GNPTAB: variants seen among roughly 807,000 people sequenced by gnomAD.
GNPTAB encodes the protein N-acetylglucosamine-1-phosphotransferase subunits alpha/beta.
A neutral mutation model predicts 136.6 loss-of-function variants in GNPTAB; 92 were observed. The observed-to-expected ratio is 0.67, with a 90% CI of 0.57 to 0.80. The LOEUF (loss-of-function observed/expected upper bound fraction) is 0.80. Ranked by LOEUF, GNPTAB falls within the 30% of genes least tolerant of loss-of-function variation. The pLI is 0.00. For missense variants in GNPTAB, 1,343 were observed against 1,501.8 expected (o/e 0.89, Z 1.75); for synonymous variants, 512 against 535.1 (o/e 0.96, Z 0.60).
chr12:101,827,202 T>C (rs973455956), intron 1 of GNPTAB, among the ~76,000 whole-genome samples: 5 of 152,026 alleles, frequency 3.3e-5, no homozygotes, highest in African/African-American at 2.4e-5. Flanking sequence ...CAATCACGGC[T>C]CATGCAGCCT....
At chr12:101,761,889 C>T in intron 13 of GNPTAB, 126 bp from the exon 14 acceptor site, 4 of 751,280 alleles carry the variant, frequency 5.3e-6, no homozygotes, top group Non-Finnish European at 7.0e-6. Context: ...AAATGAAATA[C>T]ATGTTAACGG....
At position 101,784,680 on chromosome 12, in the gene GNPTAB, G is replaced by GAA. The variant is rs5800486; in HGVS notation, c.571+1330_571+1331dup. On this transcript the variant is annotated intron_variant, in intron 5 of 20. Transcript: ENST00000299314. ...AAGGTAAGAACCTAAGAATCATGTGGAAAAAAAAAAAAAGCAAGTCATAGG... is the reference window on the plus strand; with the variant it reads ...AAGGTAAGAACCTAAGAATCATGTGGAAAAAAAAAAAAAAAGCAAGTCATAGG... Among the ~76,000 whole-genome samples the GAA allele has an allele frequency of 4.3e-3, 598 of 139,824 alleles. 8 individuals are homozygous for GAA. Among genetic ancestry groups the GAA allele is most frequent in the African/African-American group, 0.013 (511 of 38,874 alleles). The allele number at this position is 139,824 out of a possible 152,430, so 91.7% of individuals were successfully genotyped here.
intron 1 of GNPTAB, among the ~76,000 whole-genome samples, chr12:101,821,413 T>G (rs1009391524): frequency 1.4e-4 from 22 of 152,206 alleles, no homozygotes; most frequent in African/African-American, 5.3e-4. Context: ...CAAATAAGTT[T>G]CATCTCCCAG....
At chr12:101,814,783 TA>T (rs1372239106) in intron 1 of GNPTAB, among the ~76,000 whole-genome samples, 4 of 152,266 alleles carry the variant, frequency 2.6e-5, no homozygotes, top group East Asian at 1.9e-4. Flanking sequence ...TTTTCAAAAA[TA>T]AAAAAAGTGA....
chr12:101,818,427 G>C (rs1429738706), intron 1 of GNPTAB, among the ~76,000 whole-genome samples: 2 of 149,978 alleles, frequency 1.3e-5, no homozygotes, highest in Non-Finnish European at 3.0e-5. Context: ...GCCCAGGCTG[G>C]AGTCCAGTAG....
chr12:101,753,576 T>C (rs1303880957), intron 18 of GNPTAB, 37 bp from the exon 19 acceptor site: 2 of 1,532,174 alleles, frequency 1.3e-6, no homozygotes, highest in African/African-American at 1.4e-5. Context: ...TAGTTACATA[T>C]GGATAATCCT....
chr12:101,810,914 A>G (rs1870196424), intron 1 of GNPTAB, among the ~76,000 whole-genome samples: 1 of 152,222 alleles, frequency 6.6e-6, no homozygotes, highest in Non-Finnish European at 1.5e-5. Context: ...AACAGCCAGT[A>G]CAAAGCTCCT....
chr12:101,757,918 C>CTGCTGAAGTA (rs1256258721), intron 16 of GNPTAB, among the ~76,000 whole-genome samples: 4 of 152,120 alleles, frequency 2.6e-5, no homozygotes, highest in African/African-American at 9.7e-5. Flanking sequence ...ATGGCAAAAA[C>CTGCTGAAGTA]CCCAAATAAA....
chr12:101,766,359 T>G, intron 11 of GNPTAB, 65 bp from the exon 12 acceptor site: 1 of 1,393,782 alleles, frequency 7.2e-7, no homozygotes. Flanking sequence ...AGTTCTGGAC[T>G]GGGTGTGGTG....
At position 101,753,501 on chromosome 12, in the gene GNPTAB, T is replaced by G; in HGVS notation, c.3473A>C (p.His1158Pro). The stretch of plus-strand genomic sequence containing the variant: ...AGCCTTCACTGTCTGAGCATCTTTA[T>G]GATTGTGGTCAATGTTGTCATTCAG... ...VCLNDNIDHN[H>P]KDAQTVKAVL... The change falls in exon 19 of 21, where the codon CAT becomes CCT. Residue 1158 changes from histidine to proline, a missense_variant. Coordinates refer to ENST00000299314, the MANE Select transcript of GNPTAB (RefSeq NM_024312.5). The G allele has an allele frequency of 6.2e-7, 1 of 1,614,056 alleles. No individual in the cohort carries two copies. The highest frequency in any genetic ancestry group is 8.5e-7 in the Non-Finnish European group (1 of 1,179,904).
chr12:101,804,246 C>CT (rs1490241321), intron 1 of GNPTAB, among the ~76,000 whole-genome samples: 1 of 151,428 alleles, frequency 6.6e-6, no homozygotes, highest in African/African-American at 2.4e-5. Context: ...TTGCTTTGTG[C>CT]TTTGACAATG....
chr12:101,801,579 T>C (rs913978599), intron 1 of GNPTAB, among the ~76,000 whole-genome samples: 10 of 107,872 alleles, frequency 9.3e-5, no homozygotes, highest in African/African-American at 3.4e-4. Context: ...TGGAAAAAAA[T>C]TTAAAAAAGA....
At chr12:101,753,247 C>T (rs1952846616) in intron 19 of GNPTAB, 125 bp downstream of exon 19, 2 of 841,202 alleles carry the variant, frequency 2.4e-6, no homozygotes, top group African/African-American at 1.7e-5. Flanking sequence ...GAACAAAACT[C>T]CGTCTCAAAA....
At chr12:101,753,349 A>G (rs1315191325) in intron 19 of GNPTAB, 23 bp downstream of exon 19, 2 of 1,582,046 alleles carry the variant, frequency 1.3e-6, no homozygotes, top group Non-Finnish European at 1.7e-6. Flanking sequence ...ACACACATGC[A>G]TATATAAAAC....
rs1953051403 is a variant in GNPTAB at position 101,764,320 on chromosome 12, G to T, written c.2597C>A (p.Ala866Asp). The change falls in exon 13 of 21, where the codon GCT becomes GAT. Residue 866 changes from alanine to aspartate, a missense_variant. Transcript: ENST00000299314. The part of the protein sequence containing the change: ...EKENSRMEEN[A>D]ENHIGVTEVL... ...TTCAGTAACGCCTATGTGATTTTCA[G>T]CATTTTCCTCCATTCTACTGTTCTC... 1 of 1,613,928 alleles carries T rather than the reference G, an allele frequency of 6.2e-7. No homozygotes were observed. The highest frequency in any genetic ancestry group is 8.5e-7 in the Non-Finnish European group (1 of 1,179,972).
chr12:101,790,273 A>G (rs536022954), intron 2 of GNPTAB, among the ~76,000 whole-genome samples: 1 of 152,304 alleles, frequency 6.6e-6, no homozygotes, highest in African/African-American at 2.4e-5. Context: ...TATGCTAGAC[A>G]CTTAGGTAAT....
chr12:101,785,826 T>C (rs995058788), intron 5 of GNPTAB, 186 bp downstream of exon 5: 8 of 595,054 alleles, frequency 1.3e-5, no homozygotes, highest in Non-Finnish European at 2.4e-5. Flanking sequence ...CAGAGTAAAA[T>C]ATATGCAGCA....
At chr12:101,759,667 C>T (rs2137110033) in intron 16 of GNPTAB, among the ~76,000 whole-genome samples, 1 of 152,252 alleles carries the variant, frequency 6.6e-6, no homozygotes, top group African/African-American at 2.4e-5. Context: ...AGCATTAAAG[C>T]AATTCAGCTT....
At chr12:101,823,729 C>T (rs1489011263) in intron 1 of GNPTAB, among the ~76,000 whole-genome samples, 2 of 151,888 alleles carry the variant, frequency 1.3e-5, no homozygotes, top group African/African-American at 4.8e-5. Context: ...TATCAAATCA[C>T]CATATAAGTT....
Sources: allele counts gnomAD v4.1 joint callset (sites outside exome capture counted in the v4.1 genomes callset), GRCh38; gene constraint gnomAD v4.1.1; transcripts MANE v1.5; gene names NCBI Gene and HGNC (gene_info 2026-07-23, HGNC 2026-07-21).